CDH23: variants seen among roughly 807,000 people sequenced by gnomAD.
The protein encoded by CDH23 is cadherin related 23.
CDH23 carries 189 observed loss-of-function variants against 317.1 expected under a neutral mutation model. The observed-to-expected ratio is 0.60, with a 90% CI of 0.53 to 0.67. CDH23 has a LOEUF of 0.67. Among genes scored for constraint, CDH23 ranks in the 30% least tolerant of loss-of-function variants. The pLI is 0.00. For missense variants in CDH23, 4,401 were observed against 4,592.4 expected, an observed-to-expected ratio of 0.96 and a Z score of 1.20; for synonymous variants, 1,839 against 1,876.8, an observed-to-expected ratio of 0.98 and a Z score of 0.52.
chr10:71,726,240 TGAGTCA>T lies in CDH23; in HGVS notation c.3579+723_3579+728del, dbSNP rs1866804485. Among the ~76,000 whole-genome samples, 10 of 151,768 alleles carry T rather than the reference TGAGTCA, an allele frequency of 6.6e-5. No homozygotes were observed. In the South Asian group the frequency reaches 2.1e-3, roughly 32 times the overall value. Reference sequence around the variant, plus strand: ...CCCCCAGCCCCTTCCCCTAAACCAGTGAGTCAGACCCCAGACATCAGGAGTAGGAGG... The same window carrying T: ...CCCCCAGCCCCTTCCCCTAAACCAGTGACCCCAGACATCAGGAGTAGGAGG... On this transcript the variant is annotated intron_variant, in intron 30 of 69. Coordinates refer to ENST00000224721, the MANE Select transcript of CDH23 (RefSeq NM_022124.6).
At position 71,724,101 on chromosome 10, in the gene CDH23, C is replaced by G; in HGVS notation, c.3426C>G (p.Leu1142=). ...TTGGGCGTGTGTGGTACCGCATCCTCCATGGTAAGTGGGGCTGCCCTAGGA... is the reference window on the plus strand; with the variant it reads ...TTGGGCGTGTGTGGTACCGCATCCTGCATGGTAAGTGGGGCTGCCCTAGGA... ...GEFGRVWYRI[L]HGNHGNNFRI... The change falls in exon 29 of 70, where the codon CTC becomes CTG. Residue 1142 remains leucine, a synonymous_variant. Transcript: ENST00000224721. The G allele has an allele frequency of 1.3e-6, 2 of 1,557,668 alleles. No homozygotes were observed. The highest frequency in any genetic ancestry group is 1.4e-5 in the African/African-American group (1 of 73,558).
At chr10:71,469,526 C>A (rs1213990915) in intron 3 of CDH23, among the ~76,000 whole-genome samples, 2 of 152,134 alleles carry the variant, frequency 1.3e-5, no homozygotes. Context: ...ATCACAATTT[C>A]TCTTTTCACT....
intron 38 of CDH23, among the ~76,000 whole-genome samples, chr10:71,772,783 C>A (rs1840716776): frequency 6.6e-6 from 1 of 152,194 alleles, no homozygotes; most frequent in South Asian, 2.1e-4. Context: ...CCTGGGCCAT[C>A]AGACCCTTAG....
chr10:71,684,685 T>C (rs3861033), intron 18 of CDH23, among the ~76,000 whole-genome samples: 37,568 of 152,142 alleles, frequency 0.25, 5,365 homozygotes, highest in Non-Finnish European at 0.34. Context: ...ATGACAGCCA[T>C]GCATAGCAGC....
intron 6 of CDH23, among the ~76,000 whole-genome samples, chr10:71,562,602 G>T (rs1427125644): frequency 6.6e-6 from 1 of 152,226 alleles, no homozygotes; most frequent in African/African-American, 2.4e-5. Context: ...GCATGTTCTG[G>T]GGGGCAGGAG....
chr10:71,707,052 G>A lies in CDH23; in HGVS notation c.3106+3G>A. ...AGAGCTCAGCTACTTCATCACAGGT[G>A]CTGCCCCGGCCTCCGCCCACCTGTG... On this transcript the variant is annotated splice_donor_region_variant and intron_variant, in intron 26 of 69. Coordinates refer to ENST00000224721, the MANE Select transcript of CDH23 (RefSeq NM_022124.6). 6.9e-6 allele frequency: 11 copies of A among 1,599,204 alleles called. No individual in the cohort carries two copies. The highest frequency in any genetic ancestry group is 9.4e-6 in the Non-Finnish European group (11 of 1,173,176).
In CDH23 at chr10:71,687,642, T is replaced by G. The variant is rs1367640887; in HGVS notation, c.1987-5T>G. ...CCTCCTGCAACCTGTCTGTGTTCCT[T>G]CCAGGATGAGAATGACAACCCTCCC... On this transcript the variant is annotated splice_region_variant and splice_polypyrimidine_tract_variant and intron_variant, in intron 18 of 69. Coordinates refer to ENST00000224721, the MANE Select transcript of CDH23 (RefSeq NM_022124.6). 6.2e-7 allele frequency: 1 copy of G among 1,613,714 alleles called. No homozygotes were observed. The highest frequency in any genetic ancestry group is 1.1e-5 in the South Asian group (1 of 91,052).
intron 3 of CDH23, among the ~76,000 whole-genome samples, chr10:71,456,443 CTGT>C (rs1850701698): frequency 7.0e-6 from 1 of 142,584 alleles, no homozygotes; most frequent in African/African-American, 3.1e-5. Flanking sequence ...GTCCTTTGGG[CTGT>C]AGCCACTCCC....
rs372597734 is a variant in CDH23 at position 71,675,194 on chromosome 10, G to T, written c.1514+18G>T. The T allele has an allele frequency of 1.6e-5, 25 of 1,605,922 alleles. No homozygotes were observed. The highest frequency in any genetic ancestry group is 2.0e-5 in the Non-Finnish European group (24 of 1,172,808). On this transcript the variant is annotated intron_variant, in intron 15 of 69. Transcript: ENST00000224721. ...CCTGACAGGTGAGACTCTGCCCACA[G>T]CCCCTCAGGCCCCTCCGCAGTGGTC...
chr10:71,498,810 AG>A (rs1853115614), intron 3 of CDH23, among the ~76,000 whole-genome samples: 1 of 152,220 alleles, frequency 6.6e-6, no homozygotes, highest in Admixed American at 6.5e-5. Context: ...TGTCAGAGGC[AG>A]AGGAGCTCCG....
At chr10:71,457,696 G>A (rs1049226781) in intron 3 of CDH23, among the ~76,000 whole-genome samples, 6 of 152,268 alleles carry the variant, frequency 3.9e-5, no homozygotes, top group African/African-American at 1.4e-4. Flanking sequence ...CTATGCAACC[G>A]TGTGAGCCTG....
chr10:71,680,794 A>T (rs1589326453), intron 17 of CDH23, among the ~76,000 whole-genome samples: 1 of 142,478 alleles, frequency 7.0e-6, no homozygotes, highest in Non-Finnish European at 1.5e-5. Context: ...TATGAAATCT[A>T]CATCCCTCTG....
In CDH23 at chr10:71,451,040, G is replaced by A. The variant is rs1173497156; in HGVS notation, c.145+4645G>A. ...ACCGGCAGCCTTCCCCATCTCAGCT[G>A]TGGCTCCATCCTGCCAGTTGCCCAG... On this transcript the variant is annotated intron_variant, in intron 3 of 69. Coordinates refer to ENST00000224721, the MANE Select transcript of CDH23 (RefSeq NM_022124.6). Among the ~76,000 whole-genome samples, 6 of 152,152 alleles carry A rather than the reference G, an allele frequency of 3.9e-5. 1 individual carries two copies. Among genetic ancestry groups the A allele is most frequent in the African/African-American group, 1.4e-4 (6 of 41,442 alleles).
At chr10:71,481,596 G>A (rs1852068485) in intron 3 of CDH23, among the ~76,000 whole-genome samples, 1 of 152,162 alleles carries the variant, frequency 6.6e-6, no homozygotes, top group Non-Finnish European at 1.5e-5. Context: ...CAGATAGTGT[G>A]GTCAGTACCA....
At chr10:71,453,418 A>T (rs868168719) in intron 3 of CDH23, among the ~76,000 whole-genome samples, 2 of 152,360 alleles carry the variant, frequency 1.3e-5, no homozygotes, top group Non-Finnish European at 1.5e-5. Flanking sequence ...TCCCCGCAGG[A>T]GCAGCCCCTG....
At chr10:71,463,112 A>G (rs1217409080) in intron 3 of CDH23, among the ~76,000 whole-genome samples, 1 of 152,264 alleles carries the variant, frequency 6.6e-6, no homozygotes, top group Non-Finnish European at 1.5e-5. Context: ...GAAATGTGTC[A>G]ATGAGAAAAC....
At chr10:71,802,295 C>T (rs1036271336) in intron 53 of CDH23, among the ~76,000 whole-genome samples, 10 of 152,256 alleles carry the variant, frequency 6.6e-5, no homozygotes, top group East Asian at 1.9e-4. Flanking sequence ...GCAACAAGAG[C>T]GAAACTCCAT....
intron 3 of CDH23, among the ~76,000 whole-genome samples, chr10:71,508,686 T>C (rs1451385125): frequency 6.6e-6 from 1 of 152,202 alleles, no homozygotes; most frequent in Non-Finnish European, 1.5e-5. Flanking sequence ...GCAGGTAGTG[T>C]CTGTCTCATT....
chr10:71,742,261 C>T (rs1839757933), intron 38 of CDH23, among the ~76,000 whole-genome samples: 1 of 152,178 alleles, frequency 6.6e-6, no homozygotes, highest in South Asian at 2.1e-4. Flanking sequence ...ATGAATCTAG[C>T]CCCCGCTTCA....
Sources: gnomAD v4.1 joint callset for allele counts (sites outside exome capture counted in the v4.1 genomes callset) on GRCh38, gnomAD v4.1.1 for gene constraint, MANE v1.5 for transcripts, NCBI Gene and HGNC (gene_info 2026-07-23, HGNC 2026-07-21) for gene names.